TRMT11: variants seen among roughly 807,000 people sequenced by gnomAD.
TRMT11 encodes the protein tRNA methyltransferase 11, also known as tRNA (guanine(10)-N(2))-methyltransferase TRMT11.
TRMT11 carries 53 observed loss-of-function variants against 62.8 expected under a neutral mutation model. That is an observed-to-expected ratio of 0.84 (90% CI 0.68 to 1.06). The LOEUF (loss-of-function observed/expected upper bound fraction) is 1.06, where lower values mean the gene tolerates loss of function less well. Ranked by LOEUF, TRMT11 falls within the 50% of genes least tolerant of loss-of-function variation. TRMT11 has a pLI of 0.00. For synonymous variants in TRMT11, 188 were observed against 190.3 expected (o/e 0.99, Z 0.10); for missense variants, 556 against 553.4 (o/e 1.00, Z -0.05).
intron 17 of TRMT11, among the ~76,000 whole-genome samples, chr6:126,078,926 T>C (rs1777096472): frequency 6.6e-6 from 1 of 152,242 alleles, no homozygotes; most frequent in Admixed American, 6.5e-5. Flanking sequence ...ATTGTGCAAC[T>C]TTTAAAATAC....
At chr6:126,254,205 C>G in the TRMT11 span, among the ~76,000 whole-genome samples, 1 of 152,106 alleles carries the variant, frequency 6.6e-6, no homozygotes, top group Non-Finnish European at 1.5e-5. Flanking sequence ...TTGCCTTCAC[C>G]TATTGTGTTA....
downstream of TRMT11, among the ~76,000 whole-genome samples, chr6:126,203,357 C>T (rs1194080207): frequency 6.6e-6 from 1 of 151,944 alleles, no homozygotes; most frequent in Non-Finnish European, 1.5e-5. Flanking sequence ...GATTTTTTTC[C>T]AACCACTTAA....
chr6:126,036,540 G>C (rs1293169733), intron 12 of TRMT11, among the ~76,000 whole-genome samples: 1 of 152,052 alleles, frequency 6.6e-6, no homozygotes, highest in African/African-American at 2.4e-5. Flanking sequence ...CCAAATCTGA[G>C]AAGAGGGATT....
At chr6:125,995,070 A>G (rs190987185) in intron 2 of TRMT11, among the ~76,000 whole-genome samples, 74 of 152,280 alleles carry the variant, frequency 4.9e-4, no homozygotes, top group Middle Eastern at 3.4e-3. Flanking sequence ...CTGAGCAGCA[A>G]ACCACCATGG....
At position 125,998,120 on chromosome 6, in the gene TRMT11, C is replaced by A. The variant is rs755865191; in HGVS notation, c.280C>A (p.Pro94Thr). Residue 94 changes from proline (P) to threonine (T), a missense_variant, in exon 4 of 13, where the codon CCT becomes ACT. By Grantham distance (38) the Pro-to-Thr change is conservative. Transcript: ENST00000334379. Reference protein sequence around the residue: ...EELYSSLKNYPVEKMVPFLHS... With the variant: ...EELYSSLKNYTVEKMVPFLHS... ...GCTGTACAGTTCTCTTAAAAACTAC[C>A]CTGTGGAGAAGATGGTGCGTAGTAA... is the stretch of plus-strand genomic sequence containing the variant. 44 of 1,613,354 alleles carry A rather than the reference C, an allele frequency of 2.7e-5. No homozygotes were observed. The highest frequency in any genetic ancestry group is 3.6e-5 in the Non-Finnish European group (43 of 1,179,410).
At chr6:126,080,031 T>A (rs751164682) in intron 17 of TRMT11, among the ~76,000 whole-genome samples, 2 of 152,158 alleles carry the variant, frequency 1.3e-5, no homozygotes, top group Non-Finnish European at 2.9e-5. Context: ...AGGTGAGCAG[T>A]CTGCTAGTGT....
At chr6:126,127,825 C>T (rs182194735) in intron 21 of TRMT11, among the ~76,000 whole-genome samples, 466 of 152,026 alleles carry the variant, frequency 3.1e-3, no homozygotes, top group African/African-American at 0.011. Flanking sequence ...GACCTCTATG[C>T]AACTAAGCAT....
At chr6:126,045,120 G>C (rs1776010761) in intron 16 of TRMT11, among the ~76,000 whole-genome samples, 1 of 151,802 alleles carries the variant, frequency 6.6e-6, no homozygotes, top group Non-Finnish European at 1.5e-5. Flanking sequence ...CCTGGGAGGT[G>C]GAGATTGCAG....
chr6:126,087,316 A>G (rs1399347562), intron 17 of TRMT11, among the ~76,000 whole-genome samples: 1 of 152,172 alleles, frequency 6.6e-6, no homozygotes, highest in African/African-American at 2.4e-5. Flanking sequence ...CCCAACCACA[A>G]ATTGCAAATT....
chr6:126,218,009 A>C, the TRMT11 span, among the ~76,000 whole-genome samples: 3 of 152,036 alleles, frequency 2.0e-5, no homozygotes, highest in East Asian at 5.8e-4. Flanking sequence ...CAAGCAGAGG[A>C]GTCTTTTCCC....
intron 21 of TRMT11, among the ~76,000 whole-genome samples, chr6:126,118,278 C>T (rs777659111): frequency 6.6e-6 from 1 of 152,122 alleles, no homozygotes; most frequent in East Asian, 1.9e-4. Context: ...AATGATAACA[C>T]TCTAAGTGGC....
At chr6:126,062,332 A>G (rs552081761) in intron 17 of TRMT11, among the ~76,000 whole-genome samples, 2 of 152,334 alleles carry the variant, frequency 1.3e-5, no homozygotes, top group East Asian at 3.9e-4. Context: ...GAGGGAGGGC[A>G]CTTTTGAATC....
At chr6:126,203,058 C>T (rs550300332), downstream of TRMT11, among the ~76,000 whole-genome samples, 7 of 152,278 alleles carry the variant, frequency 4.6e-5, no homozygotes, top group Admixed American at 3.9e-4. Flanking sequence ...GTAGGTCTGA[C>T]AACTGGCTGT....
chr6:126,047,901 C>G (rs1776106733), intron 16 of TRMT11, among the ~76,000 whole-genome samples: 1 of 152,184 alleles, frequency 6.6e-6, no homozygotes, highest in Non-Finnish European at 1.5e-5. Context: ...TGGAGTAGAT[C>G]AAACAGACCT....
intron 1 of TRMT11, among the ~76,000 whole-genome samples, chr6:126,196,715 T>A (rs1432316703): frequency 1.3e-5 from 2 of 152,002 alleles, no homozygotes; most frequent in East Asian, 3.8e-4. Context: ...GTGAGGAAGG[T>A]ATAATGGAAG....
At chr6:126,161,218 T>G (rs942737744) in intron 21 of TRMT11, among the ~76,000 whole-genome samples, 24 of 152,106 alleles carry the variant, frequency 1.6e-4, no homozygotes, top group Non-Finnish European at 8.8e-5. Context: ...CTCCTAATGC[T>G]AACCCTCCCC....
chr6:126,229,662 T>G, the TRMT11 span, among the ~76,000 whole-genome samples: 7 of 152,354 alleles, frequency 4.6e-5, no homozygotes, highest in Non-Finnish European at 8.8e-5. Flanking sequence ...AAAGGCTTAT[T>G]TCTATAAAAT....
At chr6:126,010,875 G>T (rs747273409) in intron 8 of TRMT11, among the ~76,000 whole-genome samples, 5 of 151,932 alleles carry the variant, frequency 3.3e-5, no homozygotes, top group Admixed American at 6.6e-5. Flanking sequence ...TCCCAAGTTC[G>T]CTCTCTTCAT....
chr6:126,116,653 C>G (rs1395725441), intron 21 of TRMT11, among the ~76,000 whole-genome samples: 1 of 152,104 alleles, frequency 6.6e-6, no homozygotes, highest in Non-Finnish European at 1.5e-5. Flanking sequence ...CTCATTAAGA[C>G]AGCCATTTAG....
Sources: allele counts gnomAD v4.1 joint callset (sites outside exome capture counted in the v4.1 genomes callset), GRCh38; gene constraint gnomAD v4.1.1; transcripts MANE v1.5; gene names NCBI Gene and HGNC (gene_info 2026-07-23, HGNC 2026-07-21).